ZC3H13: variants seen among roughly 807,000 people sequenced by gnomAD.
The protein encoded by ZC3H13 is zinc finger CCCH-type containing 13, also known as zinc finger CCCH domain-containing protein 13.
In ZC3H13, 64 loss-of-function variants were observed where a neutral mutation model predicts 204.1. The observed-to-expected ratio is 0.31, with a 90% CI of 0.26 to 0.39. The LOEUF (loss-of-function observed/expected upper bound fraction) is 0.39, where lower values mean the gene tolerates loss of function less well. Ranked by LOEUF, ZC3H13 falls within the 10% of genes least tolerant of loss-of-function variation. ZC3H13 has a pLI of 1.00. For synonymous variants in ZC3H13, 667 were observed against 693.7 expected, an observed-to-expected ratio of 0.96 and a Z score of 0.60; for missense variants, 1,833 against 2,082.7, an observed-to-expected ratio of 0.88 and a Z score of 2.33.
At position 45,979,977 on chromosome 13, in the gene ZC3H13, A is replaced by G. The variant is rs1306531417; in HGVS notation, c.1748T>C (p.Ile583Thr). ...GTTGCTATTACTACTGTGACTATCA[A>G]TTTGAGAACCTCTTGAGCCTCGACT... ...KGSRGSRGSQIDSHSSNSNYH... is the reference protein window; with the variant it reads ...KGSRGSRGSQTDSHSSNSNYH... The change falls in exon 11 of 19, where the codon ATT (isoleucine) becomes ACT (threonine). Residue 583 changes from isoleucine to threonine, a missense_variant. Physicochemically the swap from Ile to Thr is moderately conservative, Grantham distance 89. Coordinates refer to ENST00000679008, the MANE Select transcript of ZC3H13 (RefSeq NM_001330564.2). 6 of 1,606,138 alleles carry G rather than the reference A, an allele frequency of 3.7e-6. No homozygotes were observed. Among genetic ancestry groups the G allele is most frequent in the Non-Finnish European group, 4.2e-6 (5 of 1,177,230 alleles).
In ZC3H13 at chr13:45,975,628, T is replaced by C; in HGVS notation, c.2123A>G (p.Glu708Gly). The change falls in exon 12 of 19, where the codon GAA becomes GGA. Residue 708 changes from glutamate to glycine, a missense_variant. Around this residue, in one of 5 missense-constraint regions of ZC3H13, gnomAD observed 1,574 missense variants for 1,757.2 expected, o/e 0.90. Transcript: ENST00000679008. ...CTCCCGTTCCCTAGCACGCTCTCTT[T>C]CTAGTTCTCTCTCTTTTTCTCTTTC... ...DREREKEREL[E>G]RERARERERE... 1.3e-6 allele frequency: 2 copies of C among 1,580,794 alleles called. No individual in the cohort carries two copies. Among genetic ancestry groups the C allele is most frequent in the Non-Finnish European group, 8.6e-7 (1 of 1,162,780 alleles).
intron 5 of ZC3H13, among the ~76,000 whole-genome samples, chr13:46,012,883 A>C (rs563256028): frequency 7.1e-4 from 108 of 152,306 alleles, no homozygotes; most frequent in African/African-American, 2.3e-3. Flanking sequence ...TATGTTCCTA[A>C]ATTCAATAAA....
At chr13:46,013,471 T>C (rs1234611426) in intron 5 of ZC3H13, among the ~76,000 whole-genome samples, 4 of 151,658 alleles carry the variant, frequency 2.6e-5, no homozygotes, top group African/African-American at 9.7e-5. Flanking sequence ...ATAACTAATA[T>C]AGTTTGCTCA....
At chr13:46,044,682 T>A (rs533378400) in intron 3 of ZC3H13, among the ~76,000 whole-genome samples, 23 of 152,000 alleles carry the variant, frequency 1.5e-4, no homozygotes, top group Admixed American at 5.2e-4. Context: ...ATTTAATACA[T>A]AATTAGGGGG....
rs532684817 is a variant in ZC3H13 at position 46,048,280 on chromosome 13, C to T, written c.-9-2764G>A. On this transcript the variant is annotated intron_variant, in intron 1 of 18. Transcript: ENST00000679008. ...CTCTCCAATCCTAGACTCCCTAAGG[C>T]AAACTTTGAAGATTTCGCCGGGCGC... is the stretch of plus-strand genomic sequence containing the variant. Among the ~76,000 whole-genome samples the T allele has an allele frequency of 2.0e-5, 3 of 152,206 alleles. No homozygotes were observed. The East Asian group carries it at 5.8e-4, about 29-fold the overall frequency.
At chr13:46,005,803 T>C (rs1339798096) in intron 7 of ZC3H13, among the ~76,000 whole-genome samples, 2 of 152,130 alleles carry the variant, frequency 1.3e-5, no homozygotes, top group African/African-American at 2.4e-5. Context: ...TTTAAAATAT[T>C]GTTGTTCAGG....
intron 16 of ZC3H13, 101 bp from the exon 17 acceptor site, chr13:45,964,143 G>T: frequency 8.4e-7 from 1 of 1,191,556 alleles, no homozygotes. Flanking sequence ...CAGAAAAAAT[G>T]AAAAGTACTT....
rs139519482 is a variant in ZC3H13, at chr13:45,957,332, G to C, written c.4840-35C>G. The C allele has an allele frequency of 4.2e-6, 6 of 1,439,420 alleles. No homozygotes were observed. In the South Asian group the frequency reaches 9.3e-5, roughly 22 times the overall value. The allele number at this position is 1,439,420 out of a possible 1,614,324, so 89.2% of individuals were successfully genotyped here. ...GAAAACAAAAACAAACTTTAAAAAA[G>C]ATGTACATTATTAGTAGGAAAGATG... On this transcript the variant is annotated intron_variant, in intron 18 of 18. Transcript: ENST00000679008.
At chr13:46,038,957 G>A (rs1166257061) in intron 4 of ZC3H13, among the ~76,000 whole-genome samples, 1 of 152,180 alleles carries the variant, frequency 6.6e-6, no homozygotes, top group Non-Finnish European at 1.5e-5. Flanking sequence ...AGGAGGCAGA[G>A]GTTGCAGTGA....
chr13:46,039,531 C>G (rs2043429079), intron 4 of ZC3H13, among the ~76,000 whole-genome samples: 1 of 152,124 alleles, frequency 6.6e-6, no homozygotes, highest in African/African-American at 2.4e-5. Flanking sequence ...TTAACAATTC[C>G]TAAAGTAATA....
At chr13:46,008,606 G>T (rs1352402015) in intron 7 of ZC3H13, among the ~76,000 whole-genome samples, 1 of 152,078 alleles carries the variant, frequency 6.6e-6, no homozygotes, top group African/African-American at 2.4e-5. Flanking sequence ...TCTATGAAAA[G>T]ATTAAGTTTC....
intron 1 of ZC3H13, among the ~76,000 whole-genome samples, chr13:46,050,643 C>A (rs2044338783): frequency 6.6e-6 from 1 of 152,082 alleles, no homozygotes; most frequent in Admixed American, 6.5e-5. Flanking sequence ...TTATTTGATG[C>A]ATAGTTTGAG....
intron 8 of ZC3H13, among the ~76,000 whole-genome samples, chr13:45,996,016 C>T (rs2040309158): frequency 6.6e-6 from 1 of 152,172 alleles, no homozygotes; most frequent in African/African-American, 2.4e-5. Flanking sequence ...TATCACCTGT[C>T]AGCAGAATCA....
chr13:46,030,005 A>C (rs2042793151), intron 4 of ZC3H13, among the ~76,000 whole-genome samples: 2 of 152,180 alleles, frequency 1.3e-5, no homozygotes, highest in Non-Finnish European at 2.9e-5. Flanking sequence ...AAAGCTAGCA[A>C]ATCAAATCCC....
intron 4 of ZC3H13, among the ~76,000 whole-genome samples, chr13:46,031,820 C>T (rs2042917053): frequency 6.6e-6 from 1 of 152,162 alleles, no homozygotes; most frequent in South Asian, 2.1e-4. Context: ...TCACTCATTG[C>T]TGGTGGAAAT....
At chr13:46,038,985 C>A (rs142484539) in intron 4 of ZC3H13, among the ~76,000 whole-genome samples, 14 of 152,200 alleles carry the variant, frequency 9.2e-5, no homozygotes, top group African/African-American at 3.4e-4. Flanking sequence ...TCATGCCATT[C>A]CACTCCAGTC....
At chr13:45,965,487 T>C (rs1952006505) in intron 15 of ZC3H13, 55 bp from the exon 16 acceptor site, 2 of 1,582,844 alleles carry the variant, frequency 1.3e-6, no homozygotes, top group South Asian at 2.3e-5. Flanking sequence ...AGAGGATGAC[T>C]AAGTCAAACC....
In ZC3H13 at chr13:45,985,459, C is replaced by A; in HGVS notation, c.1558G>T (p.Asp520Tyr). The change falls in exon 10 of 19, where the codon GAT (aspartate) becomes TAT (tyrosine). Residue 520 changes from aspartate to tyrosine, a missense_variant. Asp to Tyr is a radical substitution (Grantham distance 160). Around this residue, in one of 5 missense-constraint regions of ZC3H13, gnomAD observed 1,574 missense variants for 1,757.2 expected, o/e 0.90. Transcript: ENST00000679008. ...CTCCGGGATTCTTCTGGATATGTAT[C>A]CTCCTTTCGATGAGTATCTCGACCT... is the stretch of plus-strand genomic sequence containing the variant. ...REGRDTHRKE[D>Y]TYPEESRSYG... is the part of the protein sequence containing the mutation. 6.2e-7 allele frequency: 1 copy of A among 1,614,202 alleles called. No individual in the cohort carries two copies.
At chr13:46,050,548 C>T (rs1011827311) in intron 1 of ZC3H13, among the ~76,000 whole-genome samples, 2 of 152,098 alleles carry the variant, frequency 1.3e-5, no homozygotes, top group Non-Finnish European at 2.9e-5. Context: ...TCCCTATACT[C>T]TGAATTTCTA....
Sources: allele counts gnomAD v4.1 joint callset (sites outside exome capture counted in the v4.1 genomes callset), GRCh38; gene constraint gnomAD v4.1.1; regional missense constraint gnomAD v4.1.1; transcripts MANE v1.5; gene names NCBI Gene and HGNC (gene_info 2026-07-23, HGNC 2026-07-21).